The following GLYATL2 variants were observed in gnomAD, a reference collection of about 807,000 sequenced individuals.
GLYATL2 encodes glycine-N-acyltransferase like 2, also known as glycine N-acyltransferase-like protein 2.
Under a neutral mutation model 21.4 loss-of-function variants are expected in GLYATL2, and 25 were observed. The observed-to-expected ratio is 1.17, with a 90% CI of 0.85 to 1.63. The LOEUF is 1.63. GLYATL2 is among the 40% of genes most tolerant of loss of function. GLYATL2 has a pLI of 0.00. For missense variants in GLYATL2, 361 were observed against 343.3 expected, an observed-to-expected ratio of 1.05 and a Z score of -0.41; for synonymous variants, 114 against 118.2, an observed-to-expected ratio of 0.96 and a Z score of 0.23.
At chr11:58,877,790 T>G (rs965157162) in intron 1 of GLYATL2, among the ~76,000 whole-genome samples, 1 of 152,222 alleles carries the variant, frequency 6.6e-6, no homozygotes, top group Non-Finnish European at 1.5e-5. Context: ...GGAGATAGCA[T>G]GTATAGACAA....
In GLYATL2 at chr11:58,876,989, C is replaced by T. The variant is rs549008779; in HGVS notation, n.60+27167G>A. Among the ~76,000 whole-genome samples, 74 of 152,370 alleles carry T rather than the reference C, an allele frequency of 4.9e-4. No homozygotes were observed. The East Asian group carries it at 6.6e-3, about 14-fold the overall frequency. On this transcript the variant is annotated intron_variant and non_coding_transcript_variant, in intron 1 of 4. Transcript: ENST00000533636. ...TTACCTACTCAAGTCTGAGCAATGG[C>T]AGGCGCCCCTCCCCCAGCCTTGCTG...
upstream of GLYATL2, among the ~76,000 whole-genome samples, chr11:58,845,070 A>T (rs534965789): frequency 4.3e-4 from 66 of 152,282 alleles, 2 homozygotes; most frequent in South Asian, 0.013. Flanking sequence ...GGGGGACTGG[A>T]ATTAGCTTTG....
intron 1 of GLYATL2, among the ~76,000 whole-genome samples, chr11:58,896,460 C>T (rs374155419): frequency 6.6e-6 from 1 of 152,202 alleles, no homozygotes; most frequent in African/African-American, 2.4e-5. Context: ...ACTCCTTTTG[C>T]GTCCACATCT....
intron 1 of GLYATL2, among the ~76,000 whole-genome samples, chr11:58,889,241 T>C (rs1302083725): frequency 6.6e-6 from 1 of 152,038 alleles, no homozygotes; most frequent in African/African-American, 2.4e-5. Flanking sequence ...ACACTGTTCT[T>C]TAAAACCTGT....
At chr11:58,881,375 T>C (rs1398884991) in intron 1 of GLYATL2, among the ~76,000 whole-genome samples, 1 of 152,248 alleles carries the variant, frequency 6.6e-6, no homozygotes, top group Non-Finnish European at 1.5e-5. Flanking sequence ...TTATTGTTAA[T>C]AATTGGCACA....
chr11:58,881,304 C>T (rs927995875), intron 1 of GLYATL2, among the ~76,000 whole-genome samples: 1 of 152,134 alleles, frequency 6.6e-6, no homozygotes, highest in African/African-American at 2.4e-5. Context: ...GGAGACAGAA[C>T]TGAAATTTGG....
At chr11:58,876,134 G>T (rs1445687844) in intron 1 of GLYATL2, among the ~76,000 whole-genome samples, 2 of 152,156 alleles carry the variant, frequency 1.3e-5, no homozygotes, top group African/African-American at 2.4e-5. Flanking sequence ...ATGGATTTCA[G>T]CTCCATCAGG....
chr11:58,875,699 C>T (rs1210212257), intron 1 of GLYATL2, among the ~76,000 whole-genome samples: 1 of 152,116 alleles, frequency 6.6e-6, no homozygotes, highest in Non-Finnish European at 1.5e-5. Context: ...GTAACCTGAC[C>T]TTTCTCTCTG....
chr11:58,853,266 A>C (rs914105220), intron 1 of GLYATL2, among the ~76,000 whole-genome samples: 2 of 152,218 alleles, frequency 1.3e-5, no homozygotes, highest in Non-Finnish European at 2.9e-5. Context: ...TGTGAACTGC[A>C]TGGGTCCACT....
chr11:58,846,940 G>C (rs968232459), upstream of GLYATL2, among the ~76,000 whole-genome samples: 2 of 151,870 alleles, frequency 1.3e-5, no homozygotes, highest in Non-Finnish European at 2.9e-5. Context: ...CCTTCCCTCT[G>C]CTTGAGGAAT....
In GLYATL2 at chr11:58,882,483, C is replaced by T. The variant is rs143939970; in HGVS notation, n.60+21673G>A. On this transcript the variant is annotated intron_variant and non_coding_transcript_variant, in intron 1 of 4. Coordinates refer to the GLYATL2 transcript ENST00000533636. ...GTTCAGTGTAGATTCTGGATATTAG[C>T]CCTCTGTCAGATGGGTAGATTGCAA... Among the ~76,000 whole-genome samples the T allele has an allele frequency of 4.2e-3, 646 of 152,186 alleles. 5 individuals carry two copies. The highest frequency in any genetic ancestry group is 5.3e-3 in the Non-Finnish European group (359 of 68,024).
intron 1 of GLYATL2, among the ~76,000 whole-genome samples, chr11:58,884,025 C>T (rs184159906): frequency 2.0e-5 from 3 of 152,224 alleles, no homozygotes; most frequent in Non-Finnish European, 4.4e-5. Context: ...CAGTCCTTCA[C>T]GCTAAAAACT....
upstream of GLYATL2, among the ~76,000 whole-genome samples, chr11:58,845,546 T>C (rs1590718808): frequency 6.6e-6 from 1 of 152,234 alleles, no homozygotes; most frequent in Admixed American, 6.5e-5. Flanking sequence ...GAGATCGCAG[T>C]AAGCTATTTC....
At chr11:58,867,041 A>G (rs1201228896) in intron 1 of GLYATL2, among the ~76,000 whole-genome samples, 1 of 148,880 alleles carries the variant, frequency 6.7e-6, no homozygotes, top group Admixed American at 6.9e-5. Context: ...TTGTGAGAGT[A>G]TGCAGAGGGT....
intron 2 of GLYATL2, 99 bp downstream of exon 2, chr11:58,839,436 G>T: frequency 4.7e-6 from 3 of 643,250 alleles, no homozygotes; most frequent in South Asian, 2.6e-5. Flanking sequence ...TCTCACTTTA[G>T]ACTTGCATTC....
intron 1 of GLYATL2, among the ~76,000 whole-genome samples, chr11:58,889,219 T>C (rs1854496513): frequency 6.6e-6 from 1 of 152,032 alleles, no homozygotes; most frequent in African/African-American, 2.4e-5. Flanking sequence ...ATTCTTGATT[T>C]CCAAATATGT....
chr11:58,869,432 G>T (rs927369986), intron 1 of GLYATL2, among the ~76,000 whole-genome samples: 3 of 152,108 alleles, frequency 2.0e-5, no homozygotes, highest in African/African-American at 7.2e-5. Context: ...AAATCAAACT[G>T]CCATGGAAAC....
At chr11:58,871,836 C>A (rs1440450397) in intron 1 of GLYATL2, among the ~76,000 whole-genome samples, 3 of 152,150 alleles carry the variant, frequency 2.0e-5, no homozygotes, top group African/African-American at 7.2e-5. Flanking sequence ...ATTTCTAGTT[C>A]TAGATGCCTG....
At chr11:58,882,466 T>C (rs779126947) in intron 1 of GLYATL2, among the ~76,000 whole-genome samples, 6 of 152,348 alleles carry the variant, frequency 3.9e-5, no homozygotes, top group Middle Eastern at 3.4e-3. Flanking sequence ...GAGTTCAGTG[T>C]AGATTCTGGA....
Sources: allele counts gnomAD v4.1 joint callset (sites outside exome capture counted in the v4.1 genomes callset), GRCh38; gene constraint gnomAD v4.1.1; transcripts MANE v1.5; gene names NCBI Gene and HGNC (gene_info 2026-07-23, HGNC 2026-07-21).